The following KCNIP4 variants were observed in gnomAD, a reference collection of about 807,000 sequenced individuals.
The protein encoded by KCNIP4 is Kv channel-interacting protein 4.
In KCNIP4, 12 loss-of-function variants were observed where a neutral mutation model predicts 34.0. That is an observed-to-expected ratio of 0.35 (90% confidence interval 0.23 to 0.57). KCNIP4 has a LOEUF of 0.57. Ranked by LOEUF, KCNIP4 falls within the 20% of genes least tolerant of loss-of-function variation. The probability of loss-of-function intolerance (pLI) is 0.83; values close to 1 mark genes in which losing one functional copy is unlikely to be tolerated. For missense variants in KCNIP4, 238 were observed against 311.7 expected, an observed-to-expected ratio of 0.76 and a Z score of 1.78; for synonymous variants, 124 against 102.2, an observed-to-expected ratio of 1.21 and a Z score of -1.29.
At chr4:21,462,959 A>C (rs2109780816) in intron 1 of KCNIP4, among the ~76,000 whole-genome samples, 2 of 151,994 alleles carry the variant, frequency 1.3e-5, no homozygotes, top group East Asian at 3.9e-4. Flanking sequence ...ACTATTGTGA[A>C]TAGTGTTGCA....
chr4:21,072,199 A>G (rs1194918972), intron 1 of KCNIP4, among the ~76,000 whole-genome samples: 1 of 152,146 alleles, frequency 6.6e-6, no homozygotes, highest in Non-Finnish European at 1.5e-5. Flanking sequence ...CTAGTTCTAG[A>G]TCCTTGAGGA....
intron 1 of KCNIP4, among the ~76,000 whole-genome samples, chr4:21,517,878 A>T (rs762238619): frequency 6.6e-6 from 1 of 152,142 alleles, no homozygotes; most frequent in Non-Finnish European, 1.5e-5. Flanking sequence ...TAGAAGACCT[A>T]AACTAGGAAA....
At chr4:20,819,785 T>C (rs903080283) in intron 3 of KCNIP4, among the ~76,000 whole-genome samples, 8 of 152,208 alleles carry the variant, frequency 5.3e-5, no homozygotes, top group African/African-American at 1.2e-4. Context: ...CCTTCTACCA[T>C]GTGAGGACAC....
chr4:21,764,228 G>C (rs984085831), intron 1 of KCNIP4, among the ~76,000 whole-genome samples: 1 of 152,078 alleles, frequency 6.6e-6, no homozygotes, highest in Non-Finnish European at 1.5e-5. Context: ...GTACAGACTG[G>C]CAATTCTCAG....
At chr4:21,447,928 C>G (rs1205714950) in intron 1 of KCNIP4, among the ~76,000 whole-genome samples, 1 of 152,062 alleles carries the variant, frequency 6.6e-6, no homozygotes, top group African/African-American at 2.4e-5. Context: ...GAATGGCAAG[C>G]AACTTTATAC....
At chr4:21,509,702 G>A (rs1020726509) in intron 1 of KCNIP4, among the ~76,000 whole-genome samples, 2 of 152,118 alleles carry the variant, frequency 1.3e-5, no homozygotes, top group African/African-American at 4.8e-5. Context: ...TAAGATGTTG[G>A]ACTTTTGTTT....
chr4:20,811,487 G>A (rs988334212), intron 3 of KCNIP4, among the ~76,000 whole-genome samples: 2 of 115,836 alleles, frequency 1.7e-5, no homozygotes, highest in African/African-American at 6.0e-5. Flanking sequence ...TGATGTGTGT[G>A]TGCATGTGTG....
At chr4:20,810,722 T>C (rs915665690) in intron 3 of KCNIP4, among the ~76,000 whole-genome samples, 28 of 152,088 alleles carry the variant, frequency 1.8e-4, no homozygotes, top group Non-Finnish European at 3.8e-4. Context: ...AAACCAGCCA[T>C]GAGAATAAGA....
At chr4:20,938,199 G>GTTT (rs10715961) in intron 1 of KCNIP4, among the ~76,000 whole-genome samples, 58 of 142,680 alleles carry the variant, frequency 4.1e-4, no homozygotes, top group African/African-American at 1.3e-3. Flanking sequence ...AATTTTGCTA[G>GTTT]TTTTTTTTTT....
intron 1 of KCNIP4, among the ~76,000 whole-genome samples, chr4:21,545,298 T>C (rs1269802544): frequency 2.0e-5 from 3 of 152,096 alleles, no homozygotes; most frequent in African/African-American, 7.2e-5. Flanking sequence ...TTGGATAACA[T>C]GTAATCAAGA....
chr4:20,766,744 G>T (rs1268425200), intron 3 of KCNIP4: 1 of 152,132 alleles, frequency 6.6e-6, no homozygotes, highest in Non-Finnish European at 1.5e-5. Context: ...ACTAAGCTTT[G>T]ATACTGCAAA....
intron 1 of KCNIP4, among the ~76,000 whole-genome samples, chr4:21,344,936 C>T (rs866074577): frequency 2.0e-5 from 3 of 152,106 alleles, no homozygotes; most frequent in Non-Finnish European, 4.4e-5. Flanking sequence ...CTGGTGTCCA[C>T]TGCACCTATG....
chr4:20,733,870 G>C (rs1560408724), intron 6 of KCNIP4, among the ~76,000 whole-genome samples: 3 of 152,080 alleles, frequency 2.0e-5, no homozygotes, highest in South Asian at 2.1e-4. Context: ...GGCTATACTC[G>C]TGACCTGGCA....
intron 1 of KCNIP4, among the ~76,000 whole-genome samples, chr4:21,040,345 CT>C (rs1437956567): frequency 6.6e-6 from 1 of 152,122 alleles, no homozygotes; most frequent in Non-Finnish European, 1.5e-5. Flanking sequence ...GAGAGACAGA[CT>C]ATTTACTCTG....
chr4:21,088,183 A>C (rs1159112388), intron 1 of KCNIP4, among the ~76,000 whole-genome samples: 3 of 152,024 alleles, frequency 2.0e-5, no homozygotes, highest in Admixed American at 2.0e-4. Context: ...TGAAGCCAAG[A>C]AAATGGAAAT....
chr4:21,418,085 G>A (rs933531862), intron 1 of KCNIP4, among the ~76,000 whole-genome samples: 10 of 152,068 alleles, frequency 6.6e-5, no homozygotes, highest in African/African-American at 2.4e-4. Context: ...CTTGATTTCT[G>A]TAGCCAGATA....
intron 1 of KCNIP4, among the ~76,000 whole-genome samples, chr4:21,659,228 T>C (rs934753712): frequency 2.6e-5 from 4 of 152,208 alleles, no homozygotes; most frequent in Non-Finnish European, 4.4e-5. Flanking sequence ...GATTATCTTA[T>C]ATATTTTGAT....
intron 1 of KCNIP4, among the ~76,000 whole-genome samples, chr4:21,181,136 A>C (rs1299627417): frequency 6.6e-6 from 1 of 152,156 alleles, no homozygotes; most frequent in African/African-American, 2.4e-5. Context: ...AACCAGCCTT[A>C]TAGGTCAGGA....
At chr4:21,242,077 T>C (rs1278403673) in intron 1 of KCNIP4, among the ~76,000 whole-genome samples, 1 of 142,456 alleles carries the variant, frequency 7.0e-6, no homozygotes, top group Non-Finnish European at 1.5e-5. Flanking sequence ...GGCAGGAGAA[T>C]GGCGTGAACC....
Sources: allele counts gnomAD v4.1 joint callset (sites outside exome capture counted in the v4.1 genomes callset), GRCh38; gene constraint gnomAD v4.1.1; transcripts MANE v1.5; gene names NCBI Gene and HGNC (gene_info 2026-07-23, HGNC 2026-07-21).